Variants in CTNNA3 observed in about 807,000 individuals in gnomAD.
CTNNA3 encodes the protein catenin alpha 3.
CTNNA3 carries 76 observed loss-of-function variants against 95.7 expected under a neutral mutation model. The ratio of observed to expected loss-of-function variants is 0.79; its 90% CI spans 0.66 to 0.96. The LOEUF (loss-of-function observed/expected upper bound fraction) is 0.96, where lower values mean the gene tolerates loss of function less well. CTNNA3 is among the 40% of genes least tolerant of loss of function. CTNNA3 has a pLI of 0.00. For synonymous variants in CTNNA3, 431 were observed against 374.4 expected, an observed-to-expected ratio of 1.15 and a Z score of -1.74; for missense variants, 1,191 against 1,089.8, an observed-to-expected ratio of 1.09 and a Z score of -1.31.
At chr10:67,387,945 C>T (rs1196769790) in intron 5 of CTNNA3, among the ~76,000 whole-genome samples, 1 of 151,870 alleles carries the variant, frequency 6.6e-6, no homozygotes, top group Admixed American at 6.6e-5. Flanking sequence ...GTAGATAAAA[C>T]CACAAAGATG....
At chr10:66,008,753 T>C (rs2078946282) in intron 15 of CTNNA3, among the ~76,000 whole-genome samples, 1 of 151,924 alleles carries the variant, frequency 6.6e-6, no homozygotes, top group Non-Finnish European at 1.5e-5. Flanking sequence ...AAAAACAATC[T>C]CAAGATGCAA....
chr10:67,198,683 A>T (rs999611587), intron 6 of CTNNA3, among the ~76,000 whole-genome samples: 6 of 152,176 alleles, frequency 3.9e-5, no homozygotes, highest in Non-Finnish European at 5.9e-5. Flanking sequence ...TCGATGCAAG[A>T]CTGAAAATGT....
rs539621712 is a variant in CTNNA3, at chr10:66,168,337, A to C, written c.1885-65088T>G. The stretch of plus-strand genomic sequence containing the variant: ...CACTGAATTATCCGTCCACTCATCT[A>C]GTTAAGGTATCCATTTATTATTTTT... On this transcript the variant is annotated intron_variant, in intron 13 of 17. Coordinates refer to ENST00000433211, the MANE Select transcript of CTNNA3 (RefSeq NM_013266.4). 5.1e-5 allele frequency among the ~76,000 whole-genome samples: 7 copies of C among 137,360 alleles called. No homozygotes were observed. The South Asian group carries it at 1.9e-3, about 37-fold the overall frequency. 90.1% of individuals were successfully genotyped at this position (137,360 alleles called of 152,430 possible).
chr10:66,244,712 G>C (rs2090239606), intron 13 of CTNNA3, among the ~76,000 whole-genome samples: 1 of 152,212 alleles, frequency 6.6e-6, no homozygotes, highest in Non-Finnish European at 1.5e-5. Context: ...AGCAGATACA[G>C]CTTAAATCAC....
chr10:66,536,992 A>T (rs1366710627), intron 10 of CTNNA3, among the ~76,000 whole-genome samples: 1 of 152,160 alleles, frequency 6.6e-6, no homozygotes, highest in Non-Finnish European at 1.5e-5. Flanking sequence ...GTGAAATAGC[A>T]TAAAAAGTCC....
intron 1 of CTNNA3, among the ~76,000 whole-genome samples, chr10:67,716,447 T>A (rs1457832344): frequency 1.3e-5 from 2 of 152,170 alleles, no homozygotes; most frequent in African/African-American, 4.8e-5. Flanking sequence ...ACATTAGGTA[T>A]TTCTCCTAAT....
At chr10:67,232,203 T>C (rs1865245930) in intron 5 of CTNNA3, among the ~76,000 whole-genome samples, 1 of 151,920 alleles carries the variant, frequency 6.6e-6, no homozygotes, top group African/African-American at 2.4e-5. Flanking sequence ...CCAAGACACA[T>C]AATTGTCAGA....
intron 7 of CTNNA3, among the ~76,000 whole-genome samples, chr10:66,855,039 T>G (rs910715723): frequency 1.3e-5 from 2 of 151,932 alleles, no homozygotes; most frequent in African/African-American, 4.8e-5. Flanking sequence ...TATAGATGTC[T>G]AATAAATAAT....
At chr10:66,260,150 A>G (rs2090945934) in intron 13 of CTNNA3, among the ~76,000 whole-genome samples, 1 of 152,132 alleles carries the variant, frequency 6.6e-6, no homozygotes, top group Admixed American at 6.6e-5. Context: ...ACAACTGTTT[A>G]TTCTTCTCCT....
chr10:67,670,144 G>T (rs1469600732), intron 1 of CTNNA3, among the ~76,000 whole-genome samples: 1 of 152,152 alleles, frequency 6.6e-6, no homozygotes, highest in Non-Finnish European at 1.5e-5. Context: ...GTGGAGTTGT[G>T]CCAACCTGCT....
intron 7 of CTNNA3, among the ~76,000 whole-genome samples, chr10:67,075,004 C>G (rs1227294055): frequency 6.6e-6 from 1 of 152,086 alleles, no homozygotes; most frequent in African/African-American, 2.4e-5. Flanking sequence ...TCTTTTGGTA[C>G]TTAAAGATGC....
intron 9 of CTNNA3, among the ~76,000 whole-genome samples, chr10:66,633,034 G>T (rs1011108114): frequency 6.6e-6 from 1 of 152,050 alleles, no homozygotes; most frequent in African/African-American, 2.4e-5. Context: ...AAAAGTTTTT[G>T]ATATTATCCA....
intron 7 of CTNNA3, among the ~76,000 whole-genome samples, chr10:66,958,812 A>T (rs966234828): frequency 9.9e-5 from 15 of 152,130 alleles, no homozygotes. Context: ...CTGCTCAAAG[A>T]AGAAGGAAAG....
chr10:66,983,492 T>C (rs1850562438), intron 7 of CTNNA3, among the ~76,000 whole-genome samples: 1 of 152,164 alleles, frequency 6.6e-6, no homozygotes. Context: ...ACAGAAGGAC[T>C]GCATTTGTGA....
chr10:66,030,455 G>A (rs1265663389), intron 15 of CTNNA3, among the ~76,000 whole-genome samples: 1 of 152,056 alleles, frequency 6.6e-6, no homozygotes, highest in African/African-American at 2.4e-5. Context: ...TAAGCAATGG[G>A]GAAAGGATTC....
intron 5 of CTNNA3, among the ~76,000 whole-genome samples, chr10:67,231,158 T>G (rs912765304): frequency 6.6e-6 from 1 of 152,210 alleles, no homozygotes; most frequent in African/African-American, 2.4e-5. Context: ...AAGCTCAAAC[T>G]GGGTGGAGCC....
At chr10:67,504,183 A>T (rs1290144032) in intron 5 of CTNNA3, among the ~76,000 whole-genome samples, 1 of 134,046 alleles carries the variant, frequency 7.5e-6, no homozygotes, top group South Asian at 2.5e-4. Flanking sequence ...GTCGGTGCCA[A>T]GGCTCATGCC....
intron 11 of CTNNA3, among the ~76,000 whole-genome samples, chr10:66,486,659 T>C (rs1362019047): frequency 6.6e-6 from 1 of 152,098 alleles, no homozygotes; most frequent in Non-Finnish European, 1.5e-5. Flanking sequence ...AAAATAGAAC[T>C]AATATATGAT....
chr10:67,686,012 T>G (rs1840724320), intron 1 of CTNNA3, among the ~76,000 whole-genome samples: 1 of 152,224 alleles, frequency 6.6e-6, no homozygotes, highest in African/African-American at 2.4e-5. Context: ...CTTTTCTCTC[T>G]GGTGGTTTTG....
Sources: allele counts gnomAD v4.1 joint callset (sites outside exome capture counted in the v4.1 genomes callset), GRCh38; gene constraint gnomAD v4.1.1; transcripts MANE v1.5; gene names NCBI Gene and HGNC (gene_info 2026-07-23, HGNC 2026-07-21).